The following GRID2 variants were observed in gnomAD, a reference collection of about 807,000 sequenced individuals.
The protein encoded by GRID2 is glutamate receptor ionotropic, delta-2.
GRID2 carries 33 observed loss-of-function variants against 114.8 expected under a neutral mutation model. The ratio of observed to expected loss-of-function variants is 0.29; its 90% CI spans 0.22 to 0.38. The LOEUF is 0.38. GRID2 is among the 10% of genes least tolerant of loss of function. The pLI, the probability that GRID2 is intolerant of heterozygous loss-of-function variation, is 1.00. For synonymous variants in GRID2, 505 were observed against 449.9 expected, an observed-to-expected ratio of 1.12 and a Z score of -1.55; for missense variants, 1,184 against 1,257.7, an observed-to-expected ratio of 0.94 and a Z score of 0.89.
At chr4:93,382,252 G>T (rs1053045647) in intron 8 of GRID2, among the ~76,000 whole-genome samples, 2 of 151,952 alleles carry the variant, frequency 1.3e-5, no homozygotes, top group African/African-American at 4.8e-5. Flanking sequence ...AGTTTACTGA[G>T]CTTCTTAAAT....
intron 1 of GRID2, among the ~76,000 whole-genome samples, chr4:92,332,414 A>T: frequency 6.6e-6 from 1 of 151,820 alleles, no homozygotes; most frequent in Non-Finnish European, 1.5e-5. Flanking sequence ...AGCTCCCACC[A>T]CTATTGCACT....
chr4:93,139,107 A>G (rs1441525908), intron 4 of GRID2, among the ~76,000 whole-genome samples: 1 of 152,246 alleles, frequency 6.6e-6, no homozygotes, highest in Non-Finnish European at 1.5e-5. Context: ...AGAAGAGTAT[A>G]CCACAGTGAA....
intron 1 of GRID2, among the ~76,000 whole-genome samples, chr4:92,366,684 A>G (rs1051568798): frequency 2.6e-5 from 4 of 152,100 alleles, no homozygotes; most frequent in Non-Finnish European, 5.9e-5. Flanking sequence ...TCAGAAATGG[A>G]TAAAAGACCT....
rs1560722278 is a variant in GRID2, at chr4:93,533,270, C to CTTCT, written c.2193+17862_2193+17863insTTTC. Among the ~76,000 whole-genome samples the CTTCT allele has an allele frequency of 7.6e-5, 7 of 91,744 alleles. No individual in the cohort carries two copies. The East Asian group carries it at 1.6e-3, about 21-fold the overall frequency. 60.2% of individuals were successfully genotyped at this position (91,744 alleles called of 152,430 possible). A position where few individuals can be genotyped will look rare whatever the true frequency, so the allele number is the denominator to read the frequency against. Reference sequence around the variant, plus strand: ...TCTTCCTTCCTTCCTTCCTTCCTTCCTTCCTTCCTTCCTTCCTTCCTTCCT... The same window carrying CTTCT: ...TCTTCCTTCCTTCCTTCCTTCCTTCCTTCTTTCCTTCCTTCCTTCCTTCCTTCCT... On this transcript the variant is annotated intron_variant, in intron 13 of 15. Coordinates refer to ENST00000282020, the MANE Select transcript of GRID2 (RefSeq NM_001510.4).
At chr4:93,673,332 TA>T (rs1389899927) in intron 14 of GRID2, among the ~76,000 whole-genome samples, 1 of 152,214 alleles carries the variant, frequency 6.6e-6, no homozygotes, top group Non-Finnish European at 1.5e-5. Flanking sequence ...TTAAAAAAAT[TA>T]TTTTAATTTT....
At chr4:93,266,427 T>A (rs1362896952) in intron 8 of GRID2, among the ~76,000 whole-genome samples, 1 of 151,946 alleles carries the variant, frequency 6.6e-6, no homozygotes, top group Admixed American at 6.6e-5. Flanking sequence ...TAACTACTAT[T>A]ATTTTTACAC....
chr4:92,857,732 T>C (rs1271572067), intron 2 of GRID2, among the ~76,000 whole-genome samples: 1 of 152,196 alleles, frequency 6.6e-6, no homozygotes, highest in Non-Finnish European at 1.5e-5. Context: ...AGATCATTGA[T>C]GAAGGTGGAT....
intron 1 of GRID2, among the ~76,000 whole-genome samples, chr4:92,569,203 A>G (rs1454801422): frequency 6.6e-6 from 1 of 152,040 alleles, no homozygotes; most frequent in Non-Finnish European, 1.5e-5. Context: ...ACTCCCACGT[A>G]TAAGTGAGAA....
At chr4:92,495,556 A>C (rs888746444) in intron 1 of GRID2, among the ~76,000 whole-genome samples, 1 of 151,924 alleles carries the variant, frequency 6.6e-6, no homozygotes. Context: ...AGTTATACAG[A>C]AATTAAGGGA....
In GRID2 at chr4:92,818,572, T is replaced by C. The variant is rs1007341181; in HGVS notation, c.244+228286T>C. ...GGAAATGATCTTGCTCGCAAACTTATTAGCTGTTCAATTTAGTTTTAAGTA... is the reference window on the plus strand; with the variant it reads ...GGAAATGATCTTGCTCGCAAACTTACTAGCTGTTCAATTTAGTTTTAAGTA... On this transcript the variant is annotated intron_variant, in intron 2 of 15. Transcript: ENST00000282020. Among the ~76,000 whole-genome samples the C allele has an allele frequency of 3.8e-4, 58 of 152,132 alleles. 1 individual carries two copies. Among genetic ancestry groups the C allele is most frequent in the African/African-American group, 1.4e-3 (56 of 41,446 alleles).
intron 2 of GRID2, among the ~76,000 whole-genome samples, chr4:92,837,197 C>T (rs1426077737): frequency 2.6e-5 from 4 of 151,964 alleles, no homozygotes; most frequent in African/African-American, 7.3e-5. Flanking sequence ...TCCTGATGAA[C>T]GAGGGGCCTG....
intron 12 of GRID2, among the ~76,000 whole-genome samples, chr4:93,494,812 AT>A (rs535002120): frequency 6.6e-6 from 1 of 151,656 alleles, no homozygotes; most frequent in Non-Finnish European, 1.5e-5. Flanking sequence ...AATTGGAATG[AT>A]TTTTTTTCTC....
intron 9 of GRID2, among the ~76,000 whole-genome samples, chr4:93,411,828 G>T (rs1205995119): frequency 2.6e-5 from 4 of 151,616 alleles, no homozygotes; most frequent in Non-Finnish European, 5.9e-5. Context: ...AATTTATCTA[G>T]GGTTGTATGT....
chr4:93,581,559 T>C (rs1185679972), intron 13 of GRID2, among the ~76,000 whole-genome samples: 3 of 152,188 alleles, frequency 2.0e-5, no homozygotes, highest in African/African-American at 4.8e-5. Flanking sequence ...TTCTGTCTTA[T>C]AGCTTGTTTA....
intron 1 of GRID2, among the ~76,000 whole-genome samples, chr4:92,463,746 TG>T (rs975518803): frequency 1.3e-5 from 2 of 151,974 alleles, no homozygotes; most frequent in South Asian, 2.1e-4. Context: ...TCAAGAATAT[TG>T]GGATTTAAGC....
intron 4 of GRID2, among the ~76,000 whole-genome samples, chr4:93,126,357 T>C (rs2149368633): frequency 6.6e-6 from 1 of 152,200 alleles, no homozygotes; most frequent in Non-Finnish European, 1.5e-5. Context: ...ATAATTGGCA[T>C]AATACTTTAG....
chr4:93,028,394 C>T (rs568976442), intron 2 of GRID2, among the ~76,000 whole-genome samples: 9 of 151,888 alleles, frequency 5.9e-5, no homozygotes, highest in Non-Finnish European at 1.2e-4. Context: ...ACTGCAAAAC[C>T]AACGCTGCTT....
chr4:93,164,617 A>G, intron 4 of GRID2: 1 of 275,182 alleles, frequency 3.6e-6, no homozygotes, highest in South Asian at 3.2e-5. Context: ...GACTTTTAAT[A>G]GTATCAAACG....
At chr4:93,459,039 G>A (rs1214106724) in intron 11 of GRID2, among the ~76,000 whole-genome samples, 1 of 151,936 alleles carries the variant, frequency 6.6e-6, no homozygotes, top group Admixed American at 6.6e-5. Flanking sequence ...AAAATGCCAG[G>A]CATGGTGGTG....
Sources: gnomAD v4.1 joint callset for allele counts (sites outside exome capture counted in the v4.1 genomes callset) on GRCh38, gnomAD v4.1.1 for gene constraint, MANE v1.5 for transcripts, NCBI Gene and HGNC (gene_info 2026-07-23, HGNC 2026-07-21) for gene names.